TAS2R1: variants seen among roughly 807,000 people sequenced by gnomAD.
TAS2R1 encodes taste 2 receptor member 1, also known as taste receptor type 2 member 1.
For synonymous variants in TAS2R1, 141 were observed against 134.2 expected (o/e 1.05, Z -0.35); for missense variants, 370 against 353.4 (o/e 1.05, Z -0.38).
upstream of TAS2R1, among the ~76,000 whole-genome samples, chr5:9,714,497 G>C (rs556569102): frequency 5.3e-5 from 8 of 152,346 alleles, no homozygotes; most frequent in South Asian, 1.0e-3. Flanking sequence ...CCAGATGTGT[G>C]ATCTTGGGCA....
At chr5:9,857,961 T>G in the TAS2R1 span, among the ~76,000 whole-genome samples, 1 of 151,988 alleles carries the variant, frequency 6.6e-6, no homozygotes, top group Non-Finnish European at 1.5e-5. Flanking sequence ...GGTGCCAACC[T>G]GGTGACTAGG....
In TAS2R1 at chr5:9,629,901, C is replaced by T. The variant is rs1213084280; in HGVS notation, c.132G>A (p.Leu44=). 6.2e-7 allele frequency: 1 copy of T among 1,613,936 alleles called. No individual in the cohort carries two copies. The highest frequency in any genetic ancestry group is 1.3e-5 in the African/African-American group (1 of 74,908). Residue 44 remains leucine (L), a synonymous_variant, in exon 1 of 1, where the codon CTG becomes CTA. Transcript: ENST00000382492. The part of the protein sequence containing the change: ...DLIKHRKMAP[L]DLLLSCLAVS... ...CTGCCAGACAAGAAAGAAGGAGATC[C>T]AGCGGAGCCATTTTTCTGTGCTTGA...
intron 1 of TAS2R1, among the ~76,000 whole-genome samples, chr5:9,697,041 T>C (rs140499423): frequency 1.9e-4 from 28 of 148,758 alleles, no homozygotes; most frequent in Admixed American, 6.7e-4. Context: ...AAGGAAGAAA[T>C]TCACAAAAGG....
At chr5:9,776,005 C>T in the TAS2R1 span, among the ~76,000 whole-genome samples, 1 of 152,282 alleles carries the variant, frequency 6.6e-6, no homozygotes, top group East Asian at 1.9e-4. Flanking sequence ...GACTGTGAGC[C>T]CTGGACTTGC....
At chr5:9,851,029 T>C in the TAS2R1 span, among the ~76,000 whole-genome samples, 1 of 152,154 alleles carries the variant, frequency 6.6e-6, no homozygotes, top group Non-Finnish European at 1.5e-5. Flanking sequence ...CAGGTGGAGT[T>C]CAGATTTAAG....
chr5:9,803,831 TG>T, the TAS2R1 span, among the ~76,000 whole-genome samples: 1 of 151,614 alleles, frequency 6.6e-6, no homozygotes, highest in Non-Finnish European at 1.5e-5. Flanking sequence ...AATAACACAA[TG>T]AAAAAAAGGT....
At chr5:9,775,680 C>T in the TAS2R1 span, among the ~76,000 whole-genome samples, 1 of 151,454 alleles carries the variant, frequency 6.6e-6, no homozygotes, top group South Asian at 2.1e-4. Flanking sequence ...CTGGGTTCTT[C>T]CCTTCAAGGC....
chr5:9,879,881 T>G, the TAS2R1 span, among the ~76,000 whole-genome samples: 1 of 152,194 alleles, frequency 6.6e-6, no homozygotes, highest in Non-Finnish European at 1.5e-5. Flanking sequence ...GACTAGAGGC[T>G]GGGTTGGCAG....
At chr5:9,717,454 G>A in the TAS2R1 span, among the ~76,000 whole-genome samples, 1 of 152,094 alleles carries the variant, frequency 6.6e-6, no homozygotes, top group Non-Finnish European at 1.5e-5. Context: ...TAAATGTAGT[G>A]CAAGACCAAC....
In TAS2R1 at chr5:9,628,581, G is replaced by C. The variant is rs576171281; in HGVS notation, c.*552C>G. On this transcript the variant is annotated 3_prime_UTR_variant, in exon 1 of 1. Coordinates refer to ENST00000382492, the MANE Select transcript of TAS2R1 (RefSeq NM_019599.3). ...GTCCTTGCTTCCTTTGTGATCTGAGGAGAAAGAATGGCTCCACTGCCTGCA... is the reference window on the plus strand; with the variant it reads ...GTCCTTGCTTCCTTTGTGATCTGAGCAGAAAGAATGGCTCCACTGCCTGCA... Among the ~76,000 whole-genome samples, 4 of 152,106 alleles carry C rather than the reference G, an allele frequency of 2.6e-5. No individual in the cohort carries two copies. Among genetic ancestry groups the C allele is most frequent in the Admixed American group, 6.5e-5 (1 of 15,280 alleles).
the TAS2R1 span, among the ~76,000 whole-genome samples, chr5:9,754,924 C>T: frequency 6.6e-6 from 1 of 152,138 alleles, no homozygotes; most frequent in Non-Finnish European, 1.5e-5. Flanking sequence ...AAAAAAGAGC[C>T]CGCATTGCCA....
chr5:9,829,261 C>A, the TAS2R1 span, among the ~76,000 whole-genome samples: 16,310 of 152,196 alleles, frequency 0.11, 953 homozygotes, highest in Non-Finnish European at 0.13. Flanking sequence ...TAAATTTAAA[C>A]CTCACTAGCA....
chr5:9,708,838 G>A (rs1201574075), intron 1 of TAS2R1, among the ~76,000 whole-genome samples: 2 of 152,112 alleles, frequency 1.3e-5, no homozygotes, highest in South Asian at 2.1e-4. Flanking sequence ...TTGATTGGTG[G>A]CTCAGCAGTA....
the TAS2R1 span, among the ~76,000 whole-genome samples, chr5:9,743,814 G>T: frequency 6.6e-6 from 1 of 152,094 alleles, no homozygotes; most frequent in Admixed American, 6.6e-5. Flanking sequence ...GTTACCAAAG[G>T]CAAGTGAGGA....
chr5:9,796,460 A>G, the TAS2R1 span, among the ~76,000 whole-genome samples: 1 of 152,144 alleles, frequency 6.6e-6, no homozygotes, highest in South Asian at 2.1e-4. Flanking sequence ...TTTATGCATC[A>G]TACTGCCTCT....
At chr5:9,777,524 T>C in the TAS2R1 span, among the ~76,000 whole-genome samples, 4 of 152,228 alleles carry the variant, frequency 2.6e-5, no homozygotes, top group Admixed American at 1.3e-4. Flanking sequence ...ATTACTTCCT[T>C]CGCTGAAGCC....
At chr5:9,718,107 A>T in the TAS2R1 span, among the ~76,000 whole-genome samples, 1 of 150,352 alleles carries the variant, frequency 6.7e-6, no homozygotes, top group Non-Finnish European at 1.5e-5. Flanking sequence ...CCACAGGCAC[A>T]CGCCACCATG....
At chr5:9,644,782 T>C (rs1740156284) in intron 2 of TAS2R1, among the ~76,000 whole-genome samples, 2 of 152,156 alleles carry the variant, frequency 1.3e-5, no homozygotes, top group South Asian at 4.1e-4. Flanking sequence ...GATTGTCCTG[T>C]CTGATGCCAT....
At chr5:9,690,732 C>T (rs143992829) in intron 1 of TAS2R1, among the ~76,000 whole-genome samples, 132 of 152,004 alleles carry the variant, frequency 8.7e-4, no homozygotes, top group African/African-American at 2.9e-3. Context: ...AAGATGCTTG[C>T]TGTGCATTGC....
Sources: allele counts gnomAD v4.1 joint callset (sites outside exome capture counted in the v4.1 genomes callset), GRCh38; gene constraint gnomAD v4.1.1; transcripts MANE v1.5; gene names NCBI Gene and HGNC (gene_info 2026-07-23, HGNC 2026-07-21).